The following BARX2 variants were observed in gnomAD, a reference collection of about 807,000 sequenced individuals.
BARX2 encodes the protein homeobox protein BarH-like 2.
A neutral mutation model predicts 25.5 loss-of-function variants in BARX2; 11 were observed. The ratio of observed to expected loss-of-function variants is 0.43; its 90% confidence interval spans 0.27 to 0.71. BARX2 has a LOEUF of 0.71. BARX2 is among the 30% of genes least tolerant of loss of function. The probability of loss-of-function intolerance (pLI) is 0.19; values close to 1 mark genes in which losing one functional copy is unlikely to be tolerated. For synonymous variants in BARX2, 137 were observed against 149.5 expected, an observed-to-expected ratio of 0.92 and a Z score of 0.61; for missense variants, 360 against 359.9, an observed-to-expected ratio of 1.00 and a Z score of 0.00.
intron 3 of BARX2, among the ~76,000 whole-genome samples, chr11:129,447,471 T>A (rs1290236457): frequency 6.6e-6 from 1 of 152,066 alleles, no homozygotes; most frequent in Non-Finnish European, 1.5e-5. Flanking sequence ...GGGAGAGGGC[T>A]CCTAGGAGGA....
chr11:129,426,953 G>A (rs546157553), intron 1 of BARX2, among the ~76,000 whole-genome samples: 4 of 152,278 alleles, frequency 2.6e-5, no homozygotes, highest in East Asian at 1.9e-4. Context: ...AAGGGCATTG[G>A]AAGACTTCCA....
chr11:129,416,932 C>T (rs936726180), intron 1 of BARX2, among the ~76,000 whole-genome samples: 6 of 150,076 alleles, frequency 4.0e-5, no homozygotes, highest in South Asian at 2.1e-4. Context: ...GACAGAGCCT[C>T]GCTGTGTCAC....
chr11:129,446,228 A>C (rs935530189), intron 3 of BARX2, among the ~76,000 whole-genome samples: 3 of 152,198 alleles, frequency 2.0e-5, no homozygotes, highest in Admixed American at 6.5e-5. Context: ...TTTGAGCTCT[A>C]AAATGCAATT....
chr11:129,432,304 T>C (rs766280083), intron 1 of BARX2, among the ~76,000 whole-genome samples: 4 of 152,260 alleles, frequency 2.6e-5, no homozygotes, highest in South Asian at 2.1e-4. Flanking sequence ...TCAAGTAATC[T>C]GCCCACCTCG....
chr11:129,427,351 G>C (rs58440818), intron 1 of BARX2, among the ~76,000 whole-genome samples: 1 of 152,130 alleles, frequency 6.6e-6, no homozygotes, highest in South Asian at 2.1e-4. Flanking sequence ...TGGTAGGAAC[G>C]GGAGCTTAGG....
chr11:129,389,500 A>T (rs949516227), intron 1 of BARX2, among the ~76,000 whole-genome samples: 1 of 152,158 alleles, frequency 6.6e-6, no homozygotes, highest in African/African-American at 2.4e-5. Context: ...ATAAATTCAT[A>T]AATGAGTGGC....
intron 1 of BARX2, among the ~76,000 whole-genome samples, chr11:129,394,877 C>T (rs963015655): frequency 2.6e-5 from 4 of 151,070 alleles, no homozygotes; most frequent in Admixed American, 6.6e-5. Context: ...AAATAATCTG[C>T]AGAGCTGTGC....
intron 3 of BARX2, among the ~76,000 whole-genome samples, chr11:129,446,264 A>T (rs932268658): frequency 1.3e-5 from 2 of 152,178 alleles, no homozygotes; most frequent in African/African-American, 4.8e-5. Context: ...ATCCAAACAG[A>T]TACCTCCTTT....
chr11:129,447,307 G>A (rs1234174450), intron 3 of BARX2, among the ~76,000 whole-genome samples: 1 of 152,202 alleles, frequency 6.6e-6, no homozygotes, highest in Non-Finnish European at 1.5e-5. Context: ...TCGTTGCAGA[G>A]TTTGGAGGAG....
chr11:129,386,927 G>A (rs1180351789), intron 1 of BARX2, among the ~76,000 whole-genome samples: 1 of 152,156 alleles, frequency 6.6e-6, no homozygotes, highest in Non-Finnish European at 1.5e-5. Context: ...GCTCTGGAGG[G>A]GGGCCTCACC....
intron 1 of BARX2, among the ~76,000 whole-genome samples, chr11:129,398,802 G>C (rs368989750): frequency 5.3e-5 from 8 of 152,300 alleles, no homozygotes; most frequent in African/African-American, 1.7e-4. Flanking sequence ...GTTAGTAAAA[G>C]CTAAGTTTGA....
chr11:129,413,327 T>C (rs1861909080), intron 1 of BARX2, among the ~76,000 whole-genome samples: 1 of 152,174 alleles, frequency 6.6e-6, no homozygotes, highest in Admixed American at 6.5e-5. Flanking sequence ...AAAGCAGAGC[T>C]GTATGGCTCT....
At chr11:129,438,965 C>G (rs575152533) in intron 2 of BARX2, among the ~76,000 whole-genome samples, 1 of 151,954 alleles carries the variant, frequency 6.6e-6, no homozygotes, top group Non-Finnish European at 1.5e-5. Context: ...CGTGTCTCGC[C>G]GGGTATGTGG....
At chr11:129,397,414 A>G (rs1861731536) in intron 1 of BARX2, among the ~76,000 whole-genome samples, 1 of 152,228 alleles carries the variant, frequency 6.6e-6, no homozygotes, top group African/African-American at 2.4e-5. Context: ...ATAGGTGGCT[A>G]TGATTATTTT....
At chr11:129,379,848 T>C (rs1861542956) in intron 1 of BARX2, among the ~76,000 whole-genome samples, 1 of 152,080 alleles carries the variant, frequency 6.6e-6, no homozygotes, top group Non-Finnish European at 1.5e-5. Flanking sequence ...TGCACATTTG[T>C]GGGGAGGTGA....
intron 2 of BARX2, chr11:129,437,480 C>T (rs1862204917): frequency 1.0e-6 from 1 of 990,036 alleles, no homozygotes; most frequent in African/African-American, 1.7e-5. Context: ...TCCCCACTGA[C>T]TCAGTTTGCT....
At chr11:129,450,557 A>G (rs1170023578) in intron 3 of BARX2, among the ~76,000 whole-genome samples, 2 of 152,190 alleles carry the variant, frequency 1.3e-5, no homozygotes, top group African/African-American at 4.8e-5. Flanking sequence ...TACATGGCTA[A>G]ACTTTTAGGA....
intron 1 of BARX2, among the ~76,000 whole-genome samples, chr11:129,433,172 G>A (rs966233989): frequency 2.6e-5 from 4 of 152,118 alleles, no homozygotes; most frequent in Admixed American, 2.6e-4. Context: ...TTCCCATCTT[G>A]GTAAAGGGCA....
chr11:129,410,916 C>T (rs1412359095), intron 1 of BARX2, among the ~76,000 whole-genome samples: 1 of 152,210 alleles, frequency 6.6e-6, no homozygotes, highest in Non-Finnish European at 1.5e-5. Context: ...GTTCTCCTCA[C>T]AGTATACACG....
Sources: allele counts gnomAD v4.1 joint callset (sites outside exome capture counted in the v4.1 genomes callset), GRCh38; gene constraint gnomAD v4.1.1; transcripts MANE v1.5; gene names NCBI Gene and HGNC (gene_info 2026-07-23, HGNC 2026-07-21).